The following HCN1 variants were observed in gnomAD, a reference collection of about 807,000 sequenced individuals.
HCN1 encodes hyperpolarization activated cyclic nucleotide gated potassium channel 1.
Under a neutral mutation model 78.9 loss-of-function variants are expected in HCN1, and 13 were observed. The ratio of observed to expected loss-of-function variants is 0.16; its 90% CI spans 0.11 to 0.26. The LOEUF (loss-of-function observed/expected upper bound fraction) is 0.26, where lower values mean the gene tolerates loss of function less well. HCN1 is among the 10% of genes least tolerant of loss of function. The pLI is 1.00. For missense variants in HCN1, 810 were observed against 1,154.3 expected (o/e 0.70, Z 4.32); for synonymous variants, 552 against 455.5 (o/e 1.21, Z -2.70).
chr5:45,324,237 A>T (rs1338910390), intron 5 of HCN1, among the ~76,000 whole-genome samples: 1 of 151,960 alleles, frequency 6.6e-6, no homozygotes, highest in Non-Finnish European at 1.5e-5. Context: ...AATGGGAGAA[A>T]ATTTTTGCAA....
chr5:45,511,691 TA>T (rs1453882007), intron 2 of HCN1, among the ~76,000 whole-genome samples: 1 of 151,980 alleles, frequency 6.6e-6, no homozygotes, highest in African/African-American at 2.4e-5. Context: ...AAATGTTAGT[TA>T]AAAGGAGCCT....
chr5:45,687,604 T>G (rs1486310612), intron 1 of HCN1, among the ~76,000 whole-genome samples: 1 of 152,162 alleles, frequency 6.6e-6, no homozygotes, highest in African/African-American at 2.4e-5. Context: ...TTGTGGAGTA[T>G]TTTTTATAAT....
rs182805203 is a variant in HCN1, at chr5:45,324,410, A to G, written c.1378-20571T>C. Among the ~76,000 whole-genome samples the G allele has an allele frequency of 4.8e-3, 737 of 152,132 alleles. 3 individuals are homozygous for G. Among genetic ancestry groups the G allele is most frequent in the African/African-American group, 0.017 (705 of 41,538 alleles). On this transcript the variant is annotated intron_variant, in intron 5 of 7. Transcript: ENST00000303230. ...AAAAACACATGAAAAAATGCTCATC[A>G]TCACTGGCCATCAGAGAAATGCAAA...
chr5:45,324,298 C>T (rs1746191441), intron 5 of HCN1, among the ~76,000 whole-genome samples: 1 of 151,740 alleles, frequency 6.6e-6, no homozygotes, highest in African/African-American at 2.4e-5. Flanking sequence ...TGAACTCAAA[C>T]AAATTTACAA....
chr5:45,471,870 CATT>C (rs1033153985), intron 2 of HCN1, among the ~76,000 whole-genome samples: 10 of 151,882 alleles, frequency 6.6e-5, no homozygotes, highest in African/African-American at 1.4e-4. Context: ...TTGTGTCTAT[CATT>C]ATTTTTTCAA....
chr5:45,311,030 T>C (rs1157362737), intron 5 of HCN1, among the ~76,000 whole-genome samples: 1 of 152,050 alleles, frequency 6.6e-6, no homozygotes. Context: ...GAAGGAGGGA[T>C]AGAACCAAGA....
chr5:45,597,943 T>C (rs1193019843), intron 2 of HCN1, among the ~76,000 whole-genome samples: 1 of 152,192 alleles, frequency 6.6e-6, no homozygotes, highest in Non-Finnish European at 1.5e-5. Flanking sequence ...GAACATTCCA[T>C]GCTCATGGAT....
chr5:45,363,553 C>T (rs527427320), intron 4 of HCN1, among the ~76,000 whole-genome samples: 2 of 151,834 alleles, frequency 1.3e-5, no homozygotes, highest in African/African-American at 4.8e-5. Flanking sequence ...AATAATATAC[C>T]CTTCATTAGA....
intron 3 of HCN1, among the ~76,000 whole-genome samples, chr5:45,431,459 T>C (rs765645446): frequency 4.6e-5 from 7 of 152,222 alleles, no homozygotes; most frequent in Non-Finnish European, 8.8e-5. Context: ...TTCTCAATTT[T>C]TGCTTTTGTT....
rs938795342 is a variant in HCN1 at position 45,569,979 on chromosome 5, G to C, written c.849+75206C>G. ...ACCTAGCTTAAGCACAAATCTTCCA[G>C]ACAGATTTGACTAAAAGCTACCAAA... On this transcript the variant is annotated intron_variant, in intron 2 of 7. Coordinates refer to ENST00000303230, the MANE Select transcript of HCN1 (RefSeq NM_021072.4). Among the ~76,000 whole-genome samples the C allele has an allele frequency of 1.1e-4, 16 of 152,078 alleles. No homozygotes were observed. The South Asian group carries it at 3.3e-3, about 32-fold the overall frequency.
At chr5:45,549,055 A>T (rs1743297328) in intron 2 of HCN1, among the ~76,000 whole-genome samples, 1 of 151,782 alleles carries the variant, frequency 6.6e-6, no homozygotes, top group African/African-American at 2.4e-5. Context: ...CAATATCATG[A>T]AAATGGCCAT....
intron 2 of HCN1, among the ~76,000 whole-genome samples, chr5:45,573,117 T>C (rs889710262): frequency 6.6e-6 from 1 of 152,176 alleles, no homozygotes; most frequent in Non-Finnish European, 1.5e-5. Flanking sequence ...TCTATGTACA[T>C]AATAGAATAT....
intron 4 of HCN1, among the ~76,000 whole-genome samples, chr5:45,396,043 C>CATAT (rs1335339385): frequency 6.6e-6 from 1 of 152,078 alleles, no homozygotes; most frequent in East Asian, 1.9e-4. Flanking sequence ...CTCAGCTAAG[C>CATAT]ATATGGATTG....
chr5:45,589,615 T>C (rs762003122), intron 2 of HCN1, among the ~76,000 whole-genome samples: 2 of 152,206 alleles, frequency 1.3e-5, no homozygotes, highest in Non-Finnish European at 2.9e-5. Flanking sequence ...AGAACACAAA[T>C]TTTAAACTCC....
At chr5:45,355,721 T>C (rs1055128862) in intron 4 of HCN1, among the ~76,000 whole-genome samples, 3 of 151,962 alleles carry the variant, frequency 2.0e-5, no homozygotes, top group Non-Finnish European at 4.4e-5. Flanking sequence ...GTGGAACTTA[T>C]GTTTTAAAAT....
At chr5:45,419,241 C>A (rs76855774) in intron 3 of HCN1, among the ~76,000 whole-genome samples, 3,461 of 152,210 alleles carry the variant, frequency 0.023, 60 homozygotes, top group Non-Finnish European at 0.032. Flanking sequence ...AACACTGGAA[C>A]AAGTTACCAA....
intron 2 of HCN1, among the ~76,000 whole-genome samples, chr5:45,490,451 T>C (rs1741858997): frequency 6.6e-6 from 1 of 152,190 alleles, no homozygotes; most frequent in Non-Finnish European, 1.5e-5. Flanking sequence ...AACATTTGTG[T>C]TATCTTCCAG....
chr5:45,278,962 G>T (rs1344368452), intron 6 of HCN1, among the ~76,000 whole-genome samples: 1 of 151,988 alleles, frequency 6.6e-6, no homozygotes, highest in Non-Finnish European at 1.5e-5. Context: ...ATCATATATG[G>T]CTTACAAAGC....
intron 1 of HCN1, among the ~76,000 whole-genome samples, chr5:45,670,779 GC>G (rs1186988238): frequency 2.6e-4 from 39 of 151,532 alleles, no homozygotes; most frequent in African/African-American, 9.4e-4. Flanking sequence ...AAAGGACAGG[GC>G]CAACACATAG....
Sources: gnomAD v4.1 joint callset for allele counts (sites outside exome capture counted in the v4.1 genomes callset) on GRCh38, gnomAD v4.1.1 for gene constraint, MANE v1.5 for transcripts, NCBI Gene and HGNC (gene_info 2026-07-23, HGNC 2026-07-21) for gene names.